Variants in STOX2 observed in about 807,000 individuals in gnomAD.
STOX2 encodes storkhead box 2, also known as storkhead-box protein 2.
In STOX2, 28 loss-of-function variants were observed where a neutral mutation model predicts 60.9. The ratio of observed to expected loss-of-function variants is 0.46; its 90% CI spans 0.34 to 0.63. The LOEUF is 0.63. STOX2 is among the 30% of genes least tolerant of loss of function. The pLI is 0.01. For synonymous variants in STOX2, 472 were observed against 463.9 expected, an observed-to-expected ratio of 1.02 and a Z score of -0.22; for missense variants, 1,024 against 1,187.7, an observed-to-expected ratio of 0.86 and a Z score of 2.03.
intron 1 of STOX2, among the ~76,000 whole-genome samples, chr4:184,000,835 A>G (rs1041215866): frequency 3.2e-4 from 48 of 152,188 alleles, no homozygotes; most frequent in African/African-American, 9.9e-4. Flanking sequence ...TGTCTTCTCC[A>G]CTTAAATAGA....
intron 1 of STOX2, among the ~76,000 whole-genome samples, chr4:183,977,813 A>G (rs1732500969): frequency 6.6e-6 from 1 of 152,236 alleles, no homozygotes; most frequent in African/African-American, 2.4e-5. Context: ...CAGACAGTGT[A>G]TAAGCATTTC....
chr4:183,859,575 G>T (rs1047002289), intron 1 of STOX2, among the ~76,000 whole-genome samples: 1 of 152,228 alleles, frequency 6.6e-6, no homozygotes, highest in African/African-American at 2.4e-5. Flanking sequence ...GGCGGGGCCA[G>T]GGTATGAACA....
At chr4:183,892,528 C>T (rs1249524019) in intron 1 of STOX2, among the ~76,000 whole-genome samples, 1 of 152,214 alleles carries the variant, frequency 6.6e-6, no homozygotes, top group African/African-American at 2.4e-5. Flanking sequence ...CATCCGCCCG[C>T]CTCGGCTTCC....
intron 1 of STOX2, among the ~76,000 whole-genome samples, chr4:183,995,291 CTTTTTTTTTTT>C (rs61681165): frequency 6.5e-4 from 52 of 79,452 alleles, no homozygotes; most frequent in East Asian, 3.4e-3. Context: ...TTATTTTAGT[CTTTTTTTTTTT>C]TTTTTTTTTT....
Position 184,001,707 on chromosome 4 carries a change from GA to G in STOX2, c.319+233del, listed in dbSNP as rs1311287532. Among the ~76,000 whole-genome samples the G allele has an allele frequency of 6.6e-6, 1 of 152,084 alleles. No individual in the cohort carries two copies. Among genetic ancestry groups the G allele is most frequent in the Non-Finnish European group, 1.5e-5 (1 of 68,020 alleles). On this transcript the variant is annotated intron_variant, in intron 2 of 3. Coordinates refer to ENST00000308497, the MANE Select transcript of STOX2 (RefSeq NM_020225.3). This position sits in a 1 kb window ranked among gnomAD's most constrained non-coding sequence, Gnocchi z 4.2. Reference sequence around the variant, plus strand: ...CTTTTTAAATTGGCACCGAGAGGAAGAAATTAATTCAGAATCCATGAAGAAT... The same window carrying G: ...CTTTTTAAATTGGCACCGAGAGGAAGAATTAATTCAGAATCCATGAAGAAT...
At chr4:183,846,368 T>C (rs7695711) in intron 1 of STOX2, among the ~76,000 whole-genome samples, 86,459 of 151,946 alleles carry the variant, frequency 0.57, 26,037 homozygotes, top group East Asian at 0.92. Context: ...TCTTTTGCCC[T>C]TTTTCTCTCT....
intron 1 of STOX2, among the ~76,000 whole-genome samples, chr4:183,886,835 C>T (rs2111178298): frequency 6.6e-6 from 1 of 152,276 alleles, no homozygotes; most frequent in East Asian, 1.9e-4. Context: ...TTTTTCTCAT[C>T]CTCCCTCCCA....
At chr4:183,912,557 A>G (rs1359514520) in intron 1 of STOX2, among the ~76,000 whole-genome samples, 1 of 152,244 alleles carries the variant, frequency 6.6e-6, no homozygotes, top group South Asian at 2.1e-4. Context: ...ACCAGCTCCT[A>G]TGCCCCCTTC....
chr4:183,851,624 G>A (rs1255414056), intron 1 of STOX2, among the ~76,000 whole-genome samples: 17 of 108,596 alleles, frequency 1.6e-4, no homozygotes, highest in African/African-American at 1.9e-4. Flanking sequence ...AAAGGATGAG[G>A]GAAAGGATGA....
chr4:183,950,515 G>A (rs1743036019), intron 1 of STOX2, among the ~76,000 whole-genome samples: 2 of 152,234 alleles, frequency 1.3e-5, no homozygotes, highest in South Asian at 4.1e-4. Context: ...CTCCTGGGCA[G>A]ATCAGGAGAG....
At chr4:183,921,325 A>G (rs2111101795) in intron 1 of STOX2, among the ~76,000 whole-genome samples, 1 of 152,370 alleles carries the variant, frequency 6.6e-6, no homozygotes, top group Non-Finnish European at 1.5e-5. Flanking sequence ...TTTGTTGAAT[A>G]TGATTAAAAA....
At chr4:183,903,485 G>C (rs1741508281), upstream of STOX2, among the ~76,000 whole-genome samples, 1 of 152,136 alleles carries the variant, frequency 6.6e-6, no homozygotes, top group African/African-American at 2.4e-5. Context: ...TTTGCCTACT[G>C]TTTCTCTTCC....
intron 1 of STOX2, among the ~76,000 whole-genome samples, chr4:183,910,730 G>T (rs1360333998): frequency 1.3e-5 from 2 of 152,162 alleles, no homozygotes; most frequent in Non-Finnish European, 2.9e-5. Flanking sequence ...GGAGTAAAGC[G>T]TGCGTTTTTA....
chr4:184,003,430 T>A (rs1353524536), intron 2 of STOX2, among the ~76,000 whole-genome samples: 8 of 152,282 alleles, frequency 5.3e-5, no homozygotes, highest in Admixed American at 6.5e-5. Flanking sequence ...AGAATAACTG[T>A]TTTGCTAGCT....
intron 1 of STOX2, among the ~76,000 whole-genome samples, chr4:183,844,788 A>G (rs892590514): frequency 3.9e-5 from 6 of 152,224 alleles, no homozygotes; most frequent in Admixed American, 2.6e-4. Context: ...CATTCATTTT[A>G]CAAAAGTGTA....
intron 1 of STOX2, among the ~76,000 whole-genome samples, chr4:183,986,418 G>A (rs1732845495): frequency 6.6e-6 from 1 of 152,222 alleles, no homozygotes; most frequent in Non-Finnish European, 1.5e-5. Flanking sequence ...ATGCCACGTC[G>A]TCAGAGGGAA....
chr4:183,954,073 G>T (rs1743173266), intron 1 of STOX2, among the ~76,000 whole-genome samples: 1 of 152,068 alleles, frequency 6.6e-6, no homozygotes, highest in Non-Finnish European at 1.5e-5. Context: ...CGTCATTCGG[G>T]TAAATTTCTT....
At position 183,906,735 on chromosome 4, in the gene STOX2, G is replaced by C; in HGVS notation, c.-56G>C. 1 of 1,442,772 alleles carries C rather than the reference G, an allele frequency of 6.9e-7. No homozygotes were observed. The highest frequency in any genetic ancestry group is 1.4e-5 in the South Asian group (1 of 70,252). 89.4% of individuals were successfully genotyped at this position (1,442,772 alleles called of 1,614,324 possible). A position where few individuals can be genotyped will look rare whatever the true frequency, so the allele number is the denominator to read the frequency against. On this transcript the variant is annotated 5_prime_UTR_variant, in exon 1 of 4. Coordinates refer to ENST00000308497, the MANE Select transcript of STOX2 (RefSeq NM_020225.3). ...CCGCCGTAGACGGATGAAGGAGCGC[G>C]CTGCGCCCCGGCGCTGAGGCCCCGA...
At chr4:183,956,362 TTCTATCTATCTATCTA>T (rs57987067) in intron 1 of STOX2, among the ~76,000 whole-genome samples, 2,298 of 149,196 alleles carry the variant, frequency 0.015, 60 homozygotes, top group African/African-American at 0.04. Context: ...GCTGCATTTG[TTCTATCTATCTATCTA>T]TCTATCTATC....
Sources: gnomAD v4.1 joint callset for allele counts (sites outside exome capture counted in the v4.1 genomes callset) on GRCh38, gnomAD v4.1.1 for gene constraint, Gnocchi (gnomAD v3.1) non-coding constraint, MANE v1.5 for transcripts, NCBI Gene and HGNC (gene_info 2026-07-23, HGNC 2026-07-21) for gene names.